MAP3K12: variants seen among roughly 807,000 people sequenced by gnomAD.
The protein encoded by MAP3K12 is mitogen-activated protein kinase kinase kinase 12, also known as MAPK-upstream kinase.
Under a neutral mutation model 87.5 loss-of-function variants are expected in MAP3K12, and 14 were observed. That is an observed-to-expected ratio of 0.16 (90% CI 0.11 to 0.25). The LOEUF (loss-of-function observed/expected upper bound fraction) is 0.25, where lower values mean the gene tolerates loss of function less well. Ranked by LOEUF, MAP3K12 falls within the 10% of genes least tolerant of loss-of-function variation. The pLI, the probability that MAP3K12 is intolerant of heterozygous loss-of-function variation, is 1.00. For synonymous variants in MAP3K12, 469 were observed against 452.5 expected (o/e 1.04, Z -0.46); for missense variants, 802 against 1,140.4 (o/e 0.70, Z 4.27).
Position 53,486,840 on chromosome 12 carries a change from C to A in MAP3K12, c.445+107G>T. 1 of 1,553,550 alleles carries A rather than the reference C, an allele frequency of 6.4e-7. No individual in the cohort carries two copies. The highest frequency in any genetic ancestry group is 8.7e-7 in the Non-Finnish European group (1 of 1,148,878). On this transcript the variant is annotated intron_variant, in intron 2 of 13. Transcript: ENST00000547488. The surrounding 1 kb of genome is among the most constrained non-coding windows in gnomAD (Gnocchi z 4.9). ...CTGATGGATGGCTAAGGGACTAGGG[C>A]TGGGCCATGGGGAGGGAAGGGACCA...
Position 53,482,559 on chromosome 12 carries a change from C to G in MAP3K12, c.2238+6G>C, listed in dbSNP as rs762663273. The G allele has an allele frequency of 5.0e-6, 8 of 1,601,908 alleles. No individual in the cohort carries two copies. In the East Asian group the frequency reaches 1.8e-4, roughly 36 times the overall value. On this transcript the variant is annotated splice_donor_region_variant and intron_variant, in intron 11 of 13. Coordinates refer to ENST00000547488, the MANE Select transcript of MAP3K12 (RefSeq NM_001193511.2). ...GAAAGAGCTTGGGAGCCTTCCCATACTTTACCTGACTTCGGGTGACGGCAG... is the reference window on the plus strand; with the variant it reads ...GAAAGAGCTTGGGAGCCTTCCCATAGTTTACCTGACTTCGGGTGACGGCAG...
intron 1 of MAP3K12, among the ~76,000 whole-genome samples, chr12:53,494,684 T>A (rs968669131): frequency 2.0e-5 from 3 of 152,184 alleles, no homozygotes; most frequent in African/African-American, 7.2e-5. Flanking sequence ...CTCCACTGTC[T>A]GAGACCTCAT....
chr12:53,488,089 C>T (rs574701490), intron 1 of MAP3K12, among the ~76,000 whole-genome samples: 1 of 152,302 alleles, frequency 6.6e-6, no homozygotes, highest in East Asian at 1.9e-4. Flanking sequence ...CTAAAACACA[C>T]CCCTGGGCCT....
upstream of MAP3K12, chr12:53,501,301 C>T (rs1943688143): frequency 3.9e-6 from 5 of 1,279,838 alleles, no homozygotes; most frequent in Admixed American, 2.2e-5. Context: ...CCGCGGCGGG[C>T]CCTACCGGCC....
At chr12:53,499,797 C>T (rs1454532434), upstream of MAP3K12, among the ~76,000 whole-genome samples, 1 of 152,196 alleles carries the variant, frequency 6.6e-6, no homozygotes, top group Non-Finnish European at 1.5e-5. Flanking sequence ...CGTACCTGGC[C>T]CGCCTGGGCC....
chr12:53,492,446 TCTCTG>T (rs1943439816), intron 1 of MAP3K12, among the ~76,000 whole-genome samples: 1 of 151,806 alleles, frequency 6.6e-6, no homozygotes, highest in Non-Finnish European at 1.5e-5. Context: ...CCGCACACTC[TCTCTG>T]CGCGCGCGCG....
Position 53,486,840 on chromosome 12 carries a change from C to T in MAP3K12, c.445+107G>A, listed in dbSNP as rs1420169060. On this transcript the variant is annotated intron_variant, in intron 2 of 13. Transcript: ENST00000547488. This position sits in a 1 kb window ranked among gnomAD's most constrained non-coding sequence, Gnocchi z 4.9. ...CTGATGGATGGCTAAGGGACTAGGG[C>T]TGGGCCATGGGGAGGGAAGGGACCA... 5.1e-6 allele frequency: 8 copies of T among 1,553,432 alleles called. No individual in the cohort carries two copies. Among genetic ancestry groups the T allele is most frequent in the Non-Finnish European group, 7.0e-6 (8 of 1,148,886 alleles).
At position 53,486,649 on chromosome 12, in the gene MAP3K12, A is replaced by C. The variant is rs1454926544; in HGVS notation, c.446-27T>G. On this transcript the variant is annotated intron_variant, in intron 2 of 13. Coordinates refer to ENST00000547488, the MANE Select transcript of MAP3K12 (RefSeq NM_001193511.2). The surrounding 1 kb of genome is among the most constrained non-coding windows in gnomAD (Gnocchi z 4.9). ...TGTGGGCAGGAGGCACAGTGCCACA[A>C]GCCTCAGAAAGAGCCACACTCAAGG... The C allele has an allele frequency of 6.5e-7, 1 of 1,543,116 alleles. No homozygotes were observed. The highest frequency in any genetic ancestry group is 1.4e-5 in the African/African-American group (1 of 72,804).
chr12:53,484,042 A>G (rs1180794269), intron 7 of MAP3K12, 22 bp from the exon 8 acceptor site: 4 of 1,606,900 alleles, frequency 2.5e-6, no homozygotes, highest in Admixed American at 1.7e-5. Flanking sequence ...GAGCAGATGA[A>G]GAGTGAGAGC....
At chr12:53,501,165 C>G (rs1943682961), upstream of MAP3K12, 1 of 558,090 alleles carries the variant, frequency 1.8e-6, no homozygotes, top group South Asian at 2.2e-5. Flanking sequence ...GGGCCCGCTC[C>G]TCCCAGAAGG....
Position 53,482,923 on chromosome 12 carries a change from A to T in MAP3K12, c.1880T>A (p.Leu627His), listed in dbSNP as rs1419926712. 1 of 1,608,942 alleles carries T rather than the reference A, an allele frequency of 6.2e-7. No individual in the cohort carries two copies. The highest frequency in any genetic ancestry group is 1.3e-5 in the African/African-American group (1 of 75,052). The change falls in exon 11 of 14, where the codon CTC (leucine) becomes CAC (histidine). Residue 627 changes from leucine to histidine, a missense_variant. Leu to His is a moderately conservative substitution (Grantham distance 99). This residue lies in a region of MAP3K12 where 490 missense variants were observed against 496.6 expected (regional missense o/e 0.99). Transcript: ENST00000547488. Reference sequence around the variant, plus strand: ...CAGGAGGTCATGATGAAGCCCACGGAGGGCGGGAGGGCAGGCCTCCCAGGC... The same window carrying T: ...CAGGAGGTCATGATGAAGCCCACGGTGGGCGGGAGGGCAGGCCTCCCAGGC... ...PSAWEACPPA[L>H]RGLHHDLLLR...
chr12:53,483,470 C>G lies in MAP3K12; in HGVS notation c.1492G>C (p.Glu498Gln), dbSNP rs201631862. ...RELLRREQAL[E>Q]RRCPGLLKPH... ...TTCAGCAGGCCTGGGCACCTCCGCT[C>G]TAAAGCTTGCTCTCGCCTAAAGATC... Residue 498 changes from glutamate (E) to glutamine (Q), a missense_variant, in exon 10 of 14, where the codon GAG (glutamate) becomes CAG (glutamine). Transcript: ENST00000547488. 24 of 1,614,020 alleles carry G rather than the reference C, an allele frequency of 1.5e-5. No individual in the cohort carries two copies. The highest frequency in any genetic ancestry group is 1.7e-6 in the Non-Finnish European group (2 of 1,180,036).
chr12:53,491,213 G>A (rs1370308232), intron 1 of MAP3K12, among the ~76,000 whole-genome samples: 1 of 140,852 alleles, frequency 7.1e-6, no homozygotes, highest in African/African-American at 2.6e-5. Flanking sequence ...ACTTGAACCC[G>A]GGAGGCGGAA....
At chr12:53,501,382 G>A, upstream of MAP3K12, 1 of 1,555,914 alleles carries the variant, frequency 6.4e-7, no homozygotes. Context: ...TGCAGTCACG[G>A]TGGCGCCCGC....
In MAP3K12 at chr12:53,479,869, T is replaced by G. The variant is rs753221745; in HGVS notation, c.*1313A>C. The G allele has an allele frequency of 6.5e-6, 1 of 154,148 alleles. No individual in the cohort carries two copies. The highest frequency in any genetic ancestry group is 2.4e-5 in the African/African-American group (1 of 41,480). 9.5% of individuals were successfully genotyped at this position (154,148 alleles called of 1,614,324 possible). ...TTTTATTCCTCTTGTCTTGCTGTTATTTTTGTACCTTTTATCCCTCAAAGG... is the reference window on the plus strand; with the variant it reads ...TTTTATTCCTCTTGTCTTGCTGTTAGTTTTGTACCTTTTATCCCTCAAAGG... On this transcript the variant is annotated 3_prime_UTR_variant, in exon 14 of 14. Transcript: ENST00000547488.
intron 1 of MAP3K12, among the ~76,000 whole-genome samples, chr12:53,493,337 C>T (rs1423177947): frequency 6.6e-6 from 1 of 152,120 alleles, no homozygotes; most frequent in Non-Finnish European, 1.5e-5. Flanking sequence ...ATCTGTGTTC[C>T]CTTCCTTCCC....
At position 53,484,250 on chromosome 12, in the gene MAP3K12, A is replaced by C. The variant is rs1040322683; in HGVS notation, c.1248+7T>G. ...GTTAGGTATTTATTTTCCTACCCAC[A>C]GCACACCTGGGACTTAAAGTAAGTC... is the stretch of plus-strand genomic sequence containing the variant. On this transcript the variant is annotated splice_region_variant and intron_variant, in intron 7 of 13. Coordinates refer to ENST00000547488, the MANE Select transcript of MAP3K12 (RefSeq NM_001193511.2). The C allele has an allele frequency of 5.6e-6, 9 of 1,610,748 alleles. No individual in the cohort carries two copies. The highest frequency in any genetic ancestry group is 7.6e-6 in the Non-Finnish European group (9 of 1,176,972).
chr12:53,481,407 T>C, intron 13 of MAP3K12, 127 bp from the exon 14 acceptor site: 1 of 387,732 alleles, frequency 2.6e-6, no homozygotes, highest in Non-Finnish European at 4.5e-6. Context: ...TGGAGTGCAG[T>C]AGCACAATCT....
chr12:53,485,613 T>TG lies in MAP3K12; in HGVS notation c.822-139dup, dbSNP rs1943206978. The TG allele has an allele frequency of 6.3e-6, 6 of 949,522 alleles. No individual in the cohort carries two copies. In the East Asian group the frequency reaches 1.5e-4, roughly 23 times the overall value. The allele number at this position is 949,522 out of a possible 1,614,324, so 58.8% of individuals were successfully genotyped here. A position where few individuals can be genotyped will look rare whatever the true frequency, so the allele number is the denominator to read the frequency against. Reference sequence around the variant, plus strand: ...CTCTGTCACTCAGGCTGGAGTGCAGTGGCTCAATCTCGGCTCACTGCAACC... The same window carrying TG: ...CTCTGTCACTCAGGCTGGAGTGCAGTGGGCTCAATCTCGGCTCACTGCAACC... On this transcript the variant is annotated intron_variant, in intron 4 of 13. Transcript: ENST00000547488.
Sources: gnomAD v4.1 joint callset for allele counts (sites outside exome capture counted in the v4.1 genomes callset) on GRCh38, gnomAD v4.1.1 for gene constraint, gnomAD v4.1.1 regional missense constraint, Gnocchi (gnomAD v3.1) non-coding constraint, MANE v1.5 for transcripts, NCBI Gene and HGNC (gene_info 2026-07-23, HGNC 2026-07-21) for gene names.